Variants in TMEM244 observed in about 807,000 individuals in gnomAD.
TMEM244 encodes transmembrane protein 244.
Under a neutral mutation model 15.8 loss-of-function variants are expected in TMEM244, and 13 were observed. The ratio of observed to expected loss-of-function variants is 0.82; its 90% CI spans 0.53 to 1.30. The LOEUF (loss-of-function observed/expected upper bound fraction) is 1.30. Among genes scored for constraint, TMEM244 ranks in the 50% most tolerant of loss-of-function variants. The pLI is 0.00. For missense variants in TMEM244, 161 were observed against 144.9 expected, an observed-to-expected ratio of 1.11 and a Z score of -0.57; for synonymous variants, 45 against 48.7, an observed-to-expected ratio of 0.92 and a Z score of 0.32.
chr6:129,835,338 C>A (rs1776388366), intron 3 of TMEM244, among the ~76,000 whole-genome samples: 1 of 147,716 alleles, frequency 6.8e-6, no homozygotes, highest in Non-Finnish European at 1.5e-5. Flanking sequence ...TTTGAAGTTA[C>A]AATGAGCTAT....
intron 1 of TMEM244, among the ~76,000 whole-genome samples, chr6:129,860,768 T>A (rs563745238): frequency 4.0e-5 from 6 of 151,818 alleles, no homozygotes; most frequent in Admixed American, 2.6e-4. Flanking sequence ...GCATTTAAAA[T>A]TTTGCGCACC....
At chr6:129,857,387 G>T (rs559693628) in intron 1 of TMEM244, among the ~76,000 whole-genome samples, 1 of 149,604 alleles carries the variant, frequency 6.7e-6, no homozygotes, top group African/African-American at 2.5e-5. Context: ...ATGGAGTCTC[G>T]CTCTGTCACC....
At chr6:129,854,370 C>A (rs936801089) in intron 1 of TMEM244, among the ~76,000 whole-genome samples, 1 of 152,178 alleles carries the variant, frequency 6.6e-6, no homozygotes, top group Non-Finnish European at 1.5e-5. Context: ...CTTTGCTGCA[C>A]AGTGAGAGAG....
intron 3 of TMEM244, among the ~76,000 whole-genome samples, chr6:129,840,825 G>A (rs1467260735): frequency 6.6e-6 from 1 of 152,198 alleles, no homozygotes; most frequent in Non-Finnish European, 1.5e-5. Context: ...ATGAACAAAT[G>A]CTCATCATCA....
intron 1 of TMEM244, among the ~76,000 whole-genome samples, chr6:129,850,239 T>C (rs1439202683): frequency 6.6e-6 from 1 of 151,928 alleles, no homozygotes; most frequent in Non-Finnish European, 1.5e-5. Flanking sequence ...GGGGTTTTGG[T>C]AGGAGAGGTT....
chr6:129,854,344 C>T (rs1241554867), intron 1 of TMEM244, among the ~76,000 whole-genome samples: 1 of 152,008 alleles, frequency 6.6e-6, no homozygotes. Flanking sequence ...TGAACAGTAC[C>T]CCAGATAAAA....
intron 1 of TMEM244, among the ~76,000 whole-genome samples, chr6:129,852,595 C>T (rs1463170350): frequency 1.3e-5 from 2 of 152,116 alleles, no homozygotes; most frequent in Non-Finnish European, 2.9e-5. Context: ...TTGGACTCAG[C>T]AAAGTCCTAG....
intron 3 of TMEM244, among the ~76,000 whole-genome samples, chr6:129,840,438 A>C (rs1224668404): frequency 6.6e-6 from 1 of 152,142 alleles, no homozygotes; most frequent in Non-Finnish European, 1.5e-5. Context: ...CTCAAGATGG[A>C]TAAAGACTTA....
At chr6:129,836,775 G>A (rs1776414742) in intron 3 of TMEM244, among the ~76,000 whole-genome samples, 1 of 152,158 alleles carries the variant, frequency 6.6e-6, no homozygotes, top group Non-Finnish European at 1.5e-5. Flanking sequence ...ACTTTGTGAT[G>A]CATGCATAAG....
chr6:129,855,489 A>G (rs1196183383), intron 1 of TMEM244, among the ~76,000 whole-genome samples: 1 of 152,198 alleles, frequency 6.6e-6, no homozygotes, highest in Non-Finnish European at 1.5e-5. Flanking sequence ...TTCTCCTATA[A>G]TTCAAAACTA....
chr6:129,853,349 G>C (rs1007655029), intron 1 of TMEM244, among the ~76,000 whole-genome samples: 2 of 152,050 alleles, frequency 1.3e-5, no homozygotes, highest in Admixed American at 1.3e-4. Context: ...CTTCCTCCAA[G>C]AAGTTCCCCT....
chr6:129,832,600 A>G (rs1353385000), intron 4 of TMEM244, among the ~76,000 whole-genome samples: 1 of 152,220 alleles, frequency 6.6e-6, no homozygotes, highest in Non-Finnish European at 1.5e-5. Flanking sequence ...GGATAGGTGA[A>G]CAAATGGATG....
intron 1 of TMEM244, among the ~76,000 whole-genome samples, chr6:129,856,990 C>T (rs1260152321): frequency 6.6e-6 from 1 of 151,914 alleles, no homozygotes; most frequent in Admixed American, 6.6e-5. Flanking sequence ...AGATTTTACA[C>T]ACTTCCTGTT....
chr6:129,839,321 C>CA (rs541656902), intron 3 of TMEM244, among the ~76,000 whole-genome samples: 212 of 152,284 alleles, frequency 1.4e-3, no homozygotes, highest in Middle Eastern at 6.8e-3. Flanking sequence ...GAACCAATGA[C>CA]AAAAACCACA....
chr6:129,834,243 C>G (rs1451337455), intron 3 of TMEM244, among the ~76,000 whole-genome samples: 1 of 152,156 alleles, frequency 6.6e-6, no homozygotes, highest in Non-Finnish European at 1.5e-5. Flanking sequence ...CCACAAATCT[C>G]TAAGAGCCCT....
At chr6:129,837,518 A>T (rs1161176329) in intron 3 of TMEM244, among the ~76,000 whole-genome samples, 1 of 152,250 alleles carries the variant, frequency 6.6e-6, no homozygotes, top group African/African-American at 2.4e-5. Context: ...TGCATCAATT[A>T]ACAGGCAAAA....
Position 129,831,264 on chromosome 6 carries a change from TA to T in TMEM244, c.*54del. ...AATAATTGTAAAATCTATGAGAAAA[TA>T]AAATATATTTCCACAGTTATTCTAT... On this transcript the variant is annotated 3_prime_UTR_variant, in exon 5 of 5. Transcript: ENST00000368143. 9.7e-7 allele frequency: 1 copy of T among 1,026,594 alleles called. No individual in the cohort carries two copies. Among genetic ancestry groups the T allele is most frequent in the Non-Finnish European group, 1.5e-6 (1 of 668,964 alleles). The allele number at this position is 1,026,594 out of a possible 1,614,324, so 63.6% of individuals were successfully genotyped here.
At chr6:129,846,096 A>G (rs572561779) in intron 1 of TMEM244, among the ~76,000 whole-genome samples, 4 of 152,290 alleles carry the variant, frequency 2.6e-5, no homozygotes, top group African/African-American at 7.2e-5. Flanking sequence ...ATTGAAATCA[A>G]TTAGTTTTTC....
chr6:129,832,199 G>GT (rs1776338466), intron 4 of TMEM244, among the ~76,000 whole-genome samples: 1 of 149,924 alleles, frequency 6.7e-6, no homozygotes, highest in Non-Finnish European at 1.5e-5. Flanking sequence ...CTGGGTTCAA[G>GT]CATTCTCCCT....
Sources: allele counts gnomAD v4.1 joint callset (sites outside exome capture counted in the v4.1 genomes callset), GRCh38; gene constraint gnomAD v4.1.1; transcripts MANE v1.5; gene names NCBI Gene and HGNC (gene_info 2026-07-23, HGNC 2026-07-21).